Variants in EXD1 observed in about 807,000 individuals in gnomAD.
EXD1 encodes the protein exonuclease 3'-5' domain containing 1.
EXD1 carries 63 observed loss-of-function variants against 49.1 expected under a neutral mutation model. The ratio of observed to expected loss-of-function variants is 1.28; its 90% confidence interval spans 1.05 to 1.58. EXD1 has a LOEUF of 1.58. Among genes scored for constraint, EXD1 ranks in the 40% most tolerant of loss-of-function variants. The pLI is 0.00. For synonymous variants in EXD1, 234 were observed against 239.2 expected (o/e 0.98, Z 0.20); for missense variants, 748 against 666.0 (o/e 1.12, Z -1.36).
chr15:41,186,257 A>C (rs2046406269), intron 11 of EXD1, among the ~76,000 whole-genome samples: 1 of 152,066 alleles, frequency 6.6e-6, no homozygotes, highest in Admixed American at 6.6e-5. Context: ...GGATCACTTG[A>C]GGTCAGGATT....
chr15:41,197,202 G>A (rs2046627368), intron 7 of EXD1, among the ~76,000 whole-genome samples: 1 of 151,246 alleles, frequency 6.6e-6, no homozygotes, highest in African/African-American at 2.4e-5. Context: ...AAAAAAGTAA[G>A]ACACAATCAC....
intron 1 of EXD1, among the ~76,000 whole-genome samples, chr15:41,230,147 G>A (rs1383556728): frequency 2.1e-5 from 3 of 145,182 alleles, no homozygotes; most frequent in East Asian, 4.1e-4. Context: ...GCAATGCCGC[G>A]ATCTCGGCTC....
chr15:41,230,446 G>C (rs1219842103), intron 1 of EXD1, 33 bp downstream of exon 1: 11 of 1,599,654 alleles, frequency 6.9e-6, no homozygotes, highest in South Asian at 1.1e-5. Context: ...TCATTTTTAA[G>C]ACAAAATAAG....
intron 7 of EXD1, among the ~76,000 whole-genome samples, chr15:41,208,152 T>C (rs977635271): frequency 6.6e-6 from 1 of 151,932 alleles, no homozygotes; most frequent in African/African-American, 2.4e-5. Flanking sequence ...CCAGGAAGTC[T>C]ACTCTCTTTT....
intron 2 of EXD1, among the ~76,000 whole-genome samples, chr15:41,225,525 C>T (rs1433157405): frequency 1.3e-5 from 2 of 149,420 alleles, no homozygotes; most frequent in Non-Finnish European, 3.0e-5. Context: ...GCAGAGGTTG[C>T]AGTGAGCCAA....
At chr15:41,212,312 G>A (rs1264150317) in intron 6 of EXD1, among the ~76,000 whole-genome samples, 5 of 151,940 alleles carry the variant, frequency 3.3e-5, no homozygotes, top group Admixed American at 6.6e-5. Context: ...AAAATAAGCC[G>A]GGCGTGGTGG....
intron 7 of EXD1, among the ~76,000 whole-genome samples, chr15:41,207,575 G>A (rs1361409233): frequency 1.3e-5 from 2 of 151,884 alleles, no homozygotes; most frequent in African/African-American, 4.8e-5. Flanking sequence ...TAAACGTAGT[G>A]CCTCTGAAGT....
chr15:41,210,434 A>G (rs552581767), intron 6 of EXD1, among the ~76,000 whole-genome samples: 24 of 152,254 alleles, frequency 1.6e-4, no homozygotes, highest in African/African-American at 5.5e-4. Flanking sequence ...GCTCATGCCT[A>G]TAATCCCAGC....
At chr15:41,211,508 A>G (rs79814359) in intron 6 of EXD1, among the ~76,000 whole-genome samples, 24,402 of 151,836 alleles carry the variant, frequency 0.16, 3,605 homozygotes, top group African/African-American at 0.39. Context: ...TGATAAAAAT[A>G]ATTATTTCAA....
At chr15:41,185,731 G>A (rs1303621998) in intron 11 of EXD1, among the ~76,000 whole-genome samples, 1 of 151,878 alleles carries the variant, frequency 6.6e-6, no homozygotes, top group Non-Finnish European at 1.5e-5. Context: ...ATGCTGGCCA[G>A]GCTGGTCTTG....
intron 6 of EXD1, among the ~76,000 whole-genome samples, chr15:41,211,565 G>A (rs1305707575): frequency 6.6e-6 from 1 of 152,026 alleles, no homozygotes; most frequent in African/African-American, 2.4e-5. Flanking sequence ...GCTCATGCCT[G>A]TATTCCTAGC....
At chr15:41,184,663 T>TTA in intron 11 of EXD1, 70 bp from the exon 12 acceptor site, 1 of 1,445,070 alleles carries the variant, frequency 6.9e-7, no homozygotes, top group Non-Finnish European at 9.1e-7. Flanking sequence ...AATCACTTTT[T>TTA]TTTTTTTTTG....
intron 7 of EXD1, among the ~76,000 whole-genome samples, chr15:41,201,258 C>T (rs973620154): frequency 2.0e-5 from 3 of 151,992 alleles, no homozygotes; most frequent in Admixed American, 6.6e-5. Flanking sequence ...CCAGGGAACA[C>T]CATTTTAAGG....
intron 7 of EXD1, among the ~76,000 whole-genome samples, 198 bp from the exon 8 acceptor site, chr15:41,196,235 C>T (rs1392121583): frequency 6.6e-6 from 1 of 152,028 alleles, no homozygotes; most frequent in African/African-American, 2.4e-5. Context: ...CAACCTCTGC[C>T]TCCTGAGTTC....
intron 7 of EXD1, among the ~76,000 whole-genome samples, chr15:41,198,976 T>A (rs2046662833): frequency 1.3e-5 from 2 of 151,526 alleles, no homozygotes; most frequent in Admixed American, 1.3e-4. Flanking sequence ...CCTTTTTTCT[T>A]TTTTGGAGAT....
chr15:41,217,879 C>T (rs2047025460), intron 3 of EXD1, among the ~76,000 whole-genome samples: 1 of 152,172 alleles, frequency 6.6e-6, no homozygotes, highest in Non-Finnish European at 1.5e-5. Flanking sequence ...TTTCAAAAGT[C>T]TCTTTTCTCT....
At chr15:41,214,248 C>T (rs911122016) in intron 6 of EXD1, among the ~76,000 whole-genome samples, 2 of 152,144 alleles carry the variant, frequency 1.3e-5, no homozygotes, top group Non-Finnish European at 2.9e-5. Context: ...CAGTGGCTTA[C>T]ACCTGTAATC....
chr15:41,220,010 ACTC>A, intron 2 of EXD1, 112 bp from the exon 3 acceptor site: 5 of 751,084 alleles, frequency 6.7e-6, no homozygotes, highest in Non-Finnish European at 1.0e-5. Flanking sequence ...AAAAAAAAAA[ACTC>A]CAAAAAAATA....
intron 3 of EXD1, 101 bp downstream of exon 3, chr15:41,219,729 C>T: frequency 2.1e-6 from 2 of 941,152 alleles, no homozygotes; most frequent in South Asian, 1.6e-5. Context: ...TTCTCAAATA[C>T]CAACTTTAAG....
Sources: gnomAD v4.1 joint callset for allele counts (sites outside exome capture counted in the v4.1 genomes callset) on GRCh38, gnomAD v4.1.1 for gene constraint, MANE v1.5 for transcripts, NCBI Gene and HGNC (gene_info 2026-07-23, HGNC 2026-07-21) for gene names.